Variants in CFAP44 observed in about 807,000 individuals in gnomAD.
The protein encoded by CFAP44 is cilia- and flagella-associated protein 44.
CFAP44 carries 134 observed loss-of-function variants against 216.2 expected under a neutral mutation model. That is an observed-to-expected ratio of 0.62 (90% CI 0.54 to 0.72). The LOEUF (loss-of-function observed/expected upper bound fraction) is 0.72. CFAP44 is among the 30% of genes least tolerant of loss of function. CFAP44 has a pLI of 0.00. For synonymous variants in CFAP44, 700 were observed against 727.6 expected (o/e 0.96, Z 0.61); for missense variants, 2,035 against 2,182.1 (o/e 0.93, Z 1.34).
chr3:113,359,285 G>T (rs757688187), intron 21 of CFAP44, among the ~76,000 whole-genome samples: 3 of 152,152 alleles, frequency 2.0e-5, no homozygotes, highest in Admixed American at 2.0e-4. Context: ...GCAGTATCTG[G>T]TGTCTTCTTG....
At chr3:113,293,690 C>T (rs1421461793) in intron 34 of CFAP44, among the ~76,000 whole-genome samples, 2 of 152,212 alleles carry the variant, frequency 1.3e-5, no homozygotes, top group African/African-American at 4.8e-5. Flanking sequence ...AAAAGTTCTT[C>T]AGTGGAAAAA....
In CFAP44 at chr3:113,363,209, C is replaced by A; in HGVS notation, c.2870G>T (p.Ser957Ile). The A allele has an allele frequency of 6.2e-7, 1 of 1,613,132 alleles. No homozygotes were observed. Among genetic ancestry groups the A allele is most frequent in the South Asian group, 1.1e-5 (1 of 90,766 alleles). The change falls in exon 21 of 35, where the codon AGT (serine) becomes ATT (isoleucine). Residue 957 changes from serine (S) to isoleucine (I), a missense_variant. Transcript: ENST00000393845. Reference protein sequence around the residue: ...RKREQIKALRSEFCNLLEMNE... With the variant: ...RKREQIKALRIEFCNLLEMNE... ...CATTTCTAATAGATTACAAAATTCA[C>A]TCCTCAAAGCTTTGATTTGCTCTCT...
At chr3:113,398,017 C>A (rs979927866) in intron 13 of CFAP44, among the ~76,000 whole-genome samples, 1 of 152,096 alleles carries the variant, frequency 6.6e-6, no homozygotes, top group Non-Finnish European at 1.5e-5. Flanking sequence ...AGAGCCTGGG[C>A]ATCCTGTAGA....
In CFAP44 at chr3:113,344,701, G is replaced by A; in HGVS notation, c.3077C>T (p.Pro1026Leu). The change falls in exon 23 of 35, where the codon CCA (proline) becomes CTA (leucine). Residue 1026 changes from proline (P) to leucine (L), a missense_variant. Transcript: ENST00000393845. ...AACCACAATAGTATCACTTTCCAGT[G>A]GATCTCGAAATCTGAAAAAATAAAA... ...LMKLKNRFRD[P>L]LESDTIVVHA... 1 of 1,492,898 alleles carries A rather than the reference G, an allele frequency of 6.7e-7. No individual in the cohort carries two copies. Among genetic ancestry groups the A allele is most frequent in the Non-Finnish European group, 8.9e-7 (1 of 1,129,772 alleles). 92.5% of individuals were successfully genotyped at this position (1,492,898 alleles called of 1,614,324 possible).
At chr3:113,370,377 C>T (rs924363481) in intron 18 of CFAP44, among the ~76,000 whole-genome samples, 6 of 152,198 alleles carry the variant, frequency 3.9e-5, no homozygotes, top group Admixed American at 3.9e-4. Context: ...AAAAGCTTAT[C>T]CACCACAATC....
intron 7 of CFAP44, among the ~76,000 whole-genome samples, chr3:113,408,223 C>T (rs1038903585): frequency 6.6e-6 from 1 of 152,022 alleles, no homozygotes; most frequent in Non-Finnish European, 1.5e-5. Flanking sequence ...AAGATTGTTA[C>T]GCAAATGCAT....
chr3:113,294,519 G>C, intron 34 of CFAP44, 168 bp downstream of exon 34: 1 of 824,410 alleles, frequency 1.2e-6, no homozygotes, highest in Non-Finnish European at 1.8e-6. Flanking sequence ...CAGGCCCACT[G>C]TAATGTGGCT....
chr3:113,392,798 AC>A (rs1195311440), intron 15 of CFAP44, among the ~76,000 whole-genome samples: 1 of 152,214 alleles, frequency 6.6e-6, no homozygotes, highest in African/African-American at 2.4e-5. Context: ...GGGAGGAAGA[AC>A]ATGTCTTAGA....
intron 28 of CFAP44, among the ~76,000 whole-genome samples, chr3:113,326,071 C>A (rs1302470822): frequency 1.3e-5 from 2 of 151,954 alleles, no homozygotes; most frequent in Admixed American, 1.3e-4. Flanking sequence ...ATAAAGAACT[C>A]TCCAAACTCA....
At chr3:113,343,856 G>A (rs1950357474) in intron 23 of CFAP44, among the ~76,000 whole-genome samples, 1 of 152,174 alleles carries the variant, frequency 6.6e-6, no homozygotes, top group South Asian at 2.1e-4. Context: ...CAATATTAAT[G>A]TTCGTATTAT....
At chr3:113,428,469 G>A (rs1935020644) in intron 2 of CFAP44, among the ~76,000 whole-genome samples, 1 of 152,136 alleles carries the variant, frequency 6.6e-6, no homozygotes, top group South Asian at 2.1e-4. Context: ...AAATCAAGCT[G>A]GCAAATCAAC....
chr3:113,439,823 C>T (rs896771690), intron 1 of CFAP44, among the ~76,000 whole-genome samples: 4 of 152,200 alleles, frequency 2.6e-5, no homozygotes, highest in African/African-American at 9.6e-5. Flanking sequence ...TCCTCATGCT[C>T]ACAAGCTCAC....
chr3:113,347,370 C>T (rs552401419), intron 22 of CFAP44, among the ~76,000 whole-genome samples: 1 of 152,274 alleles, frequency 6.6e-6, no homozygotes, highest in East Asian at 1.9e-4. Flanking sequence ...GTCACGTCGC[C>T]CAAGCAAGGC....
intron 18 of CFAP44, among the ~76,000 whole-genome samples, chr3:113,370,870 A>C (rs1318064345): frequency 6.6e-6 from 1 of 152,032 alleles, no homozygotes; most frequent in Non-Finnish European, 1.5e-5. Flanking sequence ...CTGATAAACA[A>C]CTTCGGCAAA....
rs1215402230 is a variant in CFAP44, at chr3:113,327,828, GA to G, written c.4117-10del. 1.3e-6 allele frequency: 2 copies of G among 1,534,938 alleles called. No homozygotes were observed. The highest frequency in any genetic ancestry group is 1.4e-5 in the African/African-American group (1 of 72,808). On this transcript the variant is annotated splice_polypyrimidine_tract_variant and intron_variant, in intron 26 of 34. Transcript: ENST00000393845. ...ACAACCAGTTCTTTGATCTGAGATG[GA>G]AAAAATATTTGCGGATACGTTAGAA... is the stretch of plus-strand genomic sequence containing the variant.
chr3:113,374,421 G>C (rs1933272035), intron 17 of CFAP44, among the ~76,000 whole-genome samples: 1 of 148,768 alleles, frequency 6.7e-6, no homozygotes, highest in African/African-American at 2.5e-5. Context: ...TAAGTTCCAG[G>C]GTACATGTGC....
intron 13 of CFAP44, among the ~76,000 whole-genome samples, 197 bp downstream of exon 13, chr3:113,399,709 T>C (rs1934089925): frequency 1.3e-5 from 2 of 152,302 alleles, no homozygotes; most frequent in South Asian, 4.1e-4. Flanking sequence ...GCAAAAAATT[T>C]CACTAAAAAC....
In CFAP44 at chr3:113,358,100, T is replaced by G. The variant is rs577325716; in HGVS notation, c.3065+645A>C. On this transcript the variant is annotated intron_variant, in intron 22 of 34. Transcript: ENST00000393845. ...AGGCCAGATGCAAAAGAATCCATAC[T>G]GTAACACTCTATTTATATGGAATTC... 2.0e-5 allele frequency among the ~76,000 whole-genome samples: 3 copies of G among 152,286 alleles called. No individual in the cohort carries two copies. The East Asian group carries it at 5.8e-4, about 29-fold the overall frequency.
At chr3:113,329,830 T>A (rs1052931862) in intron 26 of CFAP44, among the ~76,000 whole-genome samples, 34 of 152,330 alleles carry the variant, frequency 2.2e-4, no homozygotes, top group African/African-American at 6.7e-4. Flanking sequence ...CCATTATCTA[T>A]GTTCCATCCA....
Sources: allele counts gnomAD v4.1 joint callset (sites outside exome capture counted in the v4.1 genomes callset), GRCh38; gene constraint gnomAD v4.1.1; transcripts MANE v1.5; gene names NCBI Gene and HGNC (gene_info 2026-07-23, HGNC 2026-07-21).